Variants in PPARGC1A observed in about 807,000 individuals in gnomAD.
PPARGC1A encodes the protein peroxisome proliferator-activated receptor gamma coactivator 1-alpha.
PPARGC1A carries 25 observed loss-of-function variants against 88.7 expected under a neutral mutation model. The ratio of observed to expected loss-of-function variants is 0.28; its 90% confidence interval spans 0.21 to 0.39. The LOEUF is 0.39. Among genes scored for constraint, PPARGC1A ranks in the 10% least tolerant of loss-of-function variants. The pLI is 1.00. For synonymous variants in PPARGC1A, 363 were observed against 355.6 expected, an observed-to-expected ratio of 1.02 and a Z score of -0.24; for missense variants, 880 against 968.7, an observed-to-expected ratio of 0.91 and a Z score of 1.22.
the PPARGC1A span, among the ~76,000 whole-genome samples, chr4:23,999,945 G>C: frequency 6.6e-6 from 1 of 152,124 alleles, no homozygotes; most frequent in African/African-American, 2.4e-5. Context: ...TGGCAGATTG[G>C]AGGGAGGGTC....
At chr4:24,362,350 C>CTGGATGACTGGA in the PPARGC1A span, among the ~76,000 whole-genome samples, 96 of 149,066 alleles carry the variant, frequency 6.4e-4, no homozygotes, top group African/African-American at 2.3e-3. Context: ...GAACACATGA[C>CTGGATGACTGGA]TGGATGGATG....
the PPARGC1A span, among the ~76,000 whole-genome samples, chr4:24,131,204 A>T: frequency 5.9e-5 from 9 of 152,172 alleles, no homozygotes; most frequent in Admixed American, 5.9e-4. Context: ...ATGAGTAAAA[A>T]AAAAAAATGT....
the PPARGC1A span, among the ~76,000 whole-genome samples, chr4:23,922,545 C>T: frequency 6.6e-6 from 1 of 152,094 alleles, no homozygotes; most frequent in Non-Finnish European, 1.5e-5. Flanking sequence ...ATGTAAGAAA[C>T]AAAAAGAGTA....
the PPARGC1A span, among the ~76,000 whole-genome samples, chr4:23,925,299 G>A: frequency 6.6e-6 from 1 of 152,178 alleles, no homozygotes; most frequent in Non-Finnish European, 1.5e-5. Flanking sequence ...GAATAAATCT[G>A]TAAGTGGATA....
intron 3 of PPARGC1A, among the ~76,000 whole-genome samples, chr4:23,829,865 A>G (rs191880031): frequency 2.6e-5 from 4 of 152,326 alleles, no homozygotes; most frequent in Non-Finnish European, 4.4e-5. Context: ...CAAATGTGCC[A>G]ATTATTATAC....
At chr4:24,290,520 A>C in the PPARGC1A span, among the ~76,000 whole-genome samples, 3 of 152,186 alleles carry the variant, frequency 2.0e-5, no homozygotes, top group Non-Finnish European at 4.4e-5. Flanking sequence ...TTGTCAAAAG[A>C]AATAAATAAC....
chr4:23,987,284 AC>A, the PPARGC1A span, among the ~76,000 whole-genome samples: 2 of 152,078 alleles, frequency 1.3e-5, no homozygotes, highest in Non-Finnish European at 2.9e-5. Flanking sequence ...CACCTGAAGA[AC>A]AGCAAAAGGT....
the PPARGC1A span, among the ~76,000 whole-genome samples, chr4:24,179,699 G>T: frequency 6.6e-6 from 1 of 152,120 alleles, no homozygotes; most frequent in East Asian, 1.9e-4. Flanking sequence ...AGAATCATGA[G>T]CTACATAAGT....
chr4:23,844,966 C>T (rs921894119), intron 2 of PPARGC1A, among the ~76,000 whole-genome samples: 1 of 149,044 alleles, frequency 6.7e-6, no homozygotes, highest in Non-Finnish European at 1.5e-5. Flanking sequence ...ATGTTCTAGA[C>T]AGGGAAAAGA....
chr4:24,059,415 C>T, the PPARGC1A span, among the ~76,000 whole-genome samples: 4 of 152,062 alleles, frequency 2.6e-5, no homozygotes, highest in African/African-American at 9.7e-5. Context: ...ATGCATTGTC[C>T]CCATAACAAG....
At chr4:24,373,353 G>A in the PPARGC1A span, among the ~76,000 whole-genome samples, 1 of 152,198 alleles carries the variant, frequency 6.6e-6, no homozygotes, top group Non-Finnish European at 1.5e-5. Context: ...CTGAGATTAA[G>A]CGGCAAGGAA....
chr4:24,354,794 G>A, the PPARGC1A span, among the ~76,000 whole-genome samples: 1 of 152,150 alleles, frequency 6.6e-6, no homozygotes, highest in Admixed American at 6.5e-5. Flanking sequence ...GGCTGAGGCA[G>A]GAGAATGGCA....
chr4:23,953,768 G>A, the PPARGC1A span, among the ~76,000 whole-genome samples: 2,552 of 152,024 alleles, frequency 0.017, 68 homozygotes, highest in African/African-American at 0.059. Flanking sequence ...GATTCAAGTC[G>A]TCAAACAACT....
chr4:24,401,458 C>T, the PPARGC1A span, among the ~76,000 whole-genome samples: 2 of 152,146 alleles, frequency 1.3e-5, no homozygotes, highest in Admixed American at 1.3e-4. Flanking sequence ...CCAAGGTCCA[C>T]GAAGAATTCT....
At chr4:24,176,381 T>C in the PPARGC1A span, among the ~76,000 whole-genome samples, 1 of 152,012 alleles carries the variant, frequency 6.6e-6, no homozygotes, top group East Asian at 1.9e-4. Flanking sequence ...TGCTGACCCA[T>C]AGTCCTGCCA....
intron 2 of PPARGC1A, among the ~76,000 whole-genome samples, chr4:23,838,148 T>C (rs1183792409): frequency 1.3e-5 from 2 of 152,232 alleles, no homozygotes; most frequent in African/African-American, 2.4e-5. Context: ...TCTGAGCCTT[T>C]GCTTATAGGT....
the PPARGC1A span, among the ~76,000 whole-genome samples, chr4:24,235,585 G>T: frequency 6.6e-6 from 1 of 152,164 alleles, no homozygotes; most frequent in Non-Finnish European, 1.5e-5. Context: ...CCAAGGGCAA[G>T]AACAACCTGG....
the PPARGC1A span, among the ~76,000 whole-genome samples, chr4:24,347,265 T>C: frequency 6.6e-6 from 1 of 151,672 alleles, no homozygotes; most frequent in Non-Finnish European, 1.5e-5. Context: ...ATGGTCTGTA[T>C]ATATCTGTGA....
the PPARGC1A span, among the ~76,000 whole-genome samples, chr4:24,416,414 G>A: frequency 1.3e-5 from 2 of 152,298 alleles, no homozygotes; most frequent in African/African-American, 4.8e-5. Flanking sequence ...GGGACCATGT[G>A]AGAGGCTACT....
Sources: gnomAD v4.1 joint callset for allele counts (sites outside exome capture counted in the v4.1 genomes callset) on GRCh38, gnomAD v4.1.1 for gene constraint, MANE v1.5 for transcripts, NCBI Gene and HGNC (gene_info 2026-07-23, HGNC 2026-07-21) for gene names.